The following ROBO2 variants were observed in gnomAD, a reference collection of about 807,000 sequenced individuals.
ROBO2 encodes the protein roundabout homolog 2.
ROBO2 carries 53 observed loss-of-function variants against 160.8 expected under a neutral mutation model. That is an observed-to-expected ratio of 0.33 (90% CI 0.26 to 0.41). The LOEUF is 0.41. ROBO2 is among the 10% of genes least tolerant of loss of function. The pLI, the probability that ROBO2 is intolerant of heterozygous loss-of-function variation, is 1.00. For missense variants in ROBO2, 1,577 were observed against 1,722.4 expected, an observed-to-expected ratio of 0.92 and a Z score of 1.49; for synonymous variants, 664 against 611.7, an observed-to-expected ratio of 1.09 and a Z score of -1.26.
At chr3:76,428,874 G>A (rs750621287) in intron 2 of ROBO2, among the ~76,000 whole-genome samples, 2 of 152,090 alleles carry the variant, frequency 1.3e-5, no homozygotes, top group Non-Finnish European at 2.9e-5. Context: ...CATCTTCACG[G>A]TCGTGGGACT....
chr3:76,785,115 T>C (rs889681868), intron 2 of ROBO2, among the ~76,000 whole-genome samples: 5 of 151,156 alleles, frequency 3.3e-5, no homozygotes. Flanking sequence ...TCTTTTTTTC[T>C]TTATCTTCTC....
At chr3:76,208,375 A>G (rs1702934848) in intron 2 of ROBO2, among the ~76,000 whole-genome samples, 1 of 152,162 alleles carries the variant, frequency 6.6e-6, no homozygotes, top group Non-Finnish European at 1.5e-5. Context: ...GTGAAATATA[A>G]TACTTTTTCA....
chr3:77,522,140 T>G (rs775778), intron 5 of ROBO2, among the ~76,000 whole-genome samples: 90,786 of 150,966 alleles, frequency 0.6, 27,325 homozygotes, highest in East Asian at 0.69. Flanking sequence ...GACCCACTTT[T>G]TTAGTCTGTT....
Position 76,136,612 on chromosome 3 carries a change from A to T in ROBO2, c.109+199010A>T, listed in dbSNP as rs148506028. Among the ~76,000 whole-genome samples the T allele has an allele frequency of 4.8e-3, 726 of 152,186 alleles. 24 individuals are homozygous for T. Among genetic ancestry groups the T allele is most frequent in the Admixed American group, 0.04 (603 of 15,256 alleles). Reference sequence around the variant, plus strand: ...ATCTACATACATTGCTTGCAAGTTTATCCATTCATAAGTACTTAACTTTGC... The same window carrying T: ...ATCTACATACATTGCTTGCAAGTTTTTCCATTCATAAGTACTTAACTTTGC... On this transcript the variant is annotated intron_variant, in intron 2 of 26. Transcript: ENST00000487694.
At chr3:77,598,803 C>T (rs1030474717) in intron 19 of ROBO2, among the ~76,000 whole-genome samples, 2 of 152,154 alleles carry the variant, frequency 1.3e-5, no homozygotes, top group Admixed American at 6.5e-5. Context: ...ATGTCCCTCC[C>T]CCTGCTATGT....
chr3:77,021,698 G>C (rs1220775946), intron 2 of ROBO2, among the ~76,000 whole-genome samples: 1 of 152,124 alleles, frequency 6.6e-6, no homozygotes. Context: ...CTTTTAAGAG[G>C]TTCCTGGATC....
intron 2 of ROBO2, among the ~76,000 whole-genome samples, chr3:76,125,842 T>C (rs1290358588): frequency 1.3e-5 from 2 of 152,148 alleles, no homozygotes; most frequent in Admixed American, 6.5e-5. Context: ...ATTATTATTA[T>C]TTGACATGGA....
At chr3:76,392,861 A>C (rs1191440533) in intron 2 of ROBO2, among the ~76,000 whole-genome samples, 1 of 152,148 alleles carries the variant, frequency 6.6e-6, no homozygotes, top group Non-Finnish European at 1.5e-5. Context: ...TTGTTTGAAA[A>C]ATGAAGTTTA....
intron 2 of ROBO2, among the ~76,000 whole-genome samples, chr3:76,432,179 G>C (rs2076466333): frequency 6.6e-6 from 1 of 152,154 alleles, no homozygotes; most frequent in Admixed American, 6.6e-5. Flanking sequence ...TAAGACTACA[G>C]AAGAGGTCTA....
chr3:76,432,782 C>T (rs529992937), intron 2 of ROBO2, among the ~76,000 whole-genome samples: 1 of 151,740 alleles, frequency 6.6e-6, no homozygotes, highest in East Asian at 1.9e-4. Flanking sequence ...TATACAAACA[C>T]GCATAACCGA....
intron 2 of ROBO2, among the ~76,000 whole-genome samples, chr3:77,003,904 T>G (rs1187468620): frequency 6.6e-6 from 1 of 152,156 alleles, no homozygotes; most frequent in African/African-American, 2.4e-5. Context: ...GTGAGATGCA[T>G]GTTTTCTCTC....
intron 2 of ROBO2, among the ~76,000 whole-genome samples, chr3:77,124,463 C>T (rs1309531191): frequency 6.6e-6 from 1 of 152,024 alleles, no homozygotes; most frequent in Non-Finnish European, 1.5e-5. Flanking sequence ...ACAGGAGCCA[C>T]AAATGCCAGG....
rs188862890 is a variant in ROBO2 at position 77,363,793 on chromosome 3, A to G, written c.389-113621A>G. ...GAGAGAGTAACCTTTCAGAAGTTTT[A>G]TGACTTGCTGTGGGAAGAGAGGGAT... On this transcript the variant is annotated intron_variant, in intron 2 of 25. Transcript: ENST00000461745. 2.6e-3 allele frequency among the ~76,000 whole-genome samples: 398 copies of G among 152,238 alleles called. 3 individuals carry two copies. Among genetic ancestry groups the G allele is most frequent in the African/African-American group, 8.9e-3 (368 of 41,554 alleles).
At chr3:76,720,431 G>T (rs2093447197) in intron 2 of ROBO2, among the ~76,000 whole-genome samples, 1 of 152,162 alleles carries the variant, frequency 6.6e-6, no homozygotes, top group Admixed American at 6.5e-5. Flanking sequence ...TTCAGAAAAA[G>T]TCTGGAAGCC....
At chr3:77,314,773 G>A (rs959862511) in intron 2 of ROBO2, among the ~76,000 whole-genome samples, 5 of 152,162 alleles carry the variant, frequency 3.3e-5, no homozygotes, top group African/African-American at 7.2e-5. Flanking sequence ...GGCAGACAGA[G>A]AAAATTATTT....
chr3:77,176,210 T>C (rs896612122), intron 2 of ROBO2, among the ~76,000 whole-genome samples: 3 of 151,654 alleles, frequency 2.0e-5, no homozygotes, highest in East Asian at 1.9e-4. Context: ...TCAGAGCTAA[T>C]TGAGAAAAAA....
intron 2 of ROBO2, among the ~76,000 whole-genome samples, chr3:76,353,536 C>T (rs1010681681): frequency 6.6e-6 from 1 of 151,820 alleles, no homozygotes; most frequent in African/African-American, 2.4e-5. Flanking sequence ...TAACATTTCT[C>T]ATACTCATTG....
chr3:76,199,544 G>A lies in ROBO2; in HGVS notation c.109+261942G>A, dbSNP rs149803805. 1.1e-3 allele frequency among the ~76,000 whole-genome samples: 166 copies of A among 152,242 alleles called. 1 individual carries two copies. The highest frequency in any genetic ancestry group is 3.6e-3 in the African/African-American group (150 of 41,542). ...CCCGTATTGTTCAAGCTGTTGAATT[G>A]TTGGTAACTTCGTGAGAGGATGAAT... On this transcript the variant is annotated intron_variant, in intron 2 of 26. Transcript: ENST00000487694.
intron 2 of ROBO2, among the ~76,000 whole-genome samples, chr3:76,545,437 G>A (rs1460902751): frequency 6.6e-6 from 1 of 151,882 alleles, no homozygotes; most frequent in African/African-American, 2.4e-5. Flanking sequence ...ATTTCCCTTC[G>A]AAAATGTGGA....
Sources: gnomAD v4.1 joint callset for allele counts (sites outside exome capture counted in the v4.1 genomes callset) on GRCh38, gnomAD v4.1.1 for gene constraint, MANE v1.5 for transcripts, NCBI Gene and HGNC (gene_info 2026-07-23, HGNC 2026-07-21) for gene names.